SAMD4A: variants seen among roughly 807,000 people sequenced by gnomAD.
SAMD4A encodes the protein sterile alpha motif domain containing 4A, also known as protein Smaug homolog 1.
A neutral mutation model predicts 81.3 loss-of-function variants in SAMD4A; 33 were observed. The ratio of observed to expected loss-of-function variants is 0.41; its 90% CI spans 0.31 to 0.54. The LOEUF (loss-of-function observed/expected upper bound fraction) is 0.54, where lower values mean the gene tolerates loss of function less well. Ranked by LOEUF, SAMD4A falls within the 20% of genes least tolerant of loss-of-function variation. The pLI, the probability that SAMD4A is intolerant of heterozygous loss-of-function variation, is 0.37. For missense variants in SAMD4A, 854 were observed against 951.1 expected, an observed-to-expected ratio of 0.90 and a Z score of 1.34; for synonymous variants, 389 against 382.1, an observed-to-expected ratio of 1.02 and a Z score of -0.21.
At chr14:54,747,052 A>C (rs924735689) in intron 4 of SAMD4A, among the ~76,000 whole-genome samples, 2 of 152,228 alleles carry the variant, frequency 1.3e-5, no homozygotes, top group Non-Finnish European at 2.9e-5. Flanking sequence ...CTGAGCTGCC[A>C]TGTCCTGGAC....
upstream of SAMD4A, among the ~76,000 whole-genome samples, chr14:54,566,108 C>T (rs1053830886): frequency 5.9e-5 from 9 of 151,490 alleles, no homozygotes; most frequent in African/African-American, 2.2e-4. Context: ...TCGGGCGGCT[C>T]AGTCCTCCGC....
At chr14:54,582,801 A>C (rs561312227) in intron 2 of SAMD4A, among the ~76,000 whole-genome samples, 1 of 152,082 alleles carries the variant, frequency 6.6e-6, no homozygotes, top group Middle Eastern at 3.4e-3. Flanking sequence ...ACGCATGCAG[A>C]AGTCTTTTAG....
intron 4 of SAMD4A, among the ~76,000 whole-genome samples, chr14:54,744,296 T>C (rs2037914268): frequency 6.6e-6 from 1 of 152,226 alleles, no homozygotes; most frequent in Admixed American, 6.5e-5. Flanking sequence ...CATGGTCTGT[T>C]GATCTGACTC....
At chr14:54,733,968 TCCACAACTG>T (rs2140914385) in intron 3 of SAMD4A, among the ~76,000 whole-genome samples, 1 of 152,288 alleles carries the variant, frequency 6.6e-6, no homozygotes, top group East Asian at 1.9e-4. Context: ...CCTCGTCAAT[TCCACAACTG>T]CATGGCCTAT....
chr14:54,712,468 CT>C (rs1038274751), intron 3 of SAMD4A, among the ~76,000 whole-genome samples: 2 of 152,154 alleles, frequency 1.3e-5, no homozygotes, highest in Admixed American at 6.5e-5. Context: ...TTGGGGGAAA[CT>C]TTTTTTAGTA....
At chr14:54,660,982 C>T (rs2035631210) in intron 2 of SAMD4A, among the ~76,000 whole-genome samples, 1 of 152,198 alleles carries the variant, frequency 6.6e-6, no homozygotes, top group Non-Finnish European at 1.5e-5. Flanking sequence ...GGTTTTTCCA[C>T]CTATGGACTT....
At position 54,792,679 on chromosome 14, in the gene SAMD4A, A is replaced by G. The variant is rs903795592; in HGVS notation, c.*3735A>G. 8 of 151,092 alleles carry G rather than the reference A, an allele frequency of 5.3e-5. No individual in the cohort carries two copies. Among genetic ancestry groups the G allele is most frequent in the Admixed American group, 6.6e-5 (1 of 15,210 alleles). The allele number at this position is 151,092 out of a possible 1,614,324, so 9.4% of individuals were successfully genotyped here. A position where few individuals can be genotyped will look rare whatever the true frequency, so the allele number is the denominator to read the frequency against. ...GAACCTGCAGAAGGATAATTTGCAC[A>G]TGGAGCTGTGATAACACTAATGTTG... On this transcript the variant is annotated 3_prime_UTR_variant, in exon 13 of 13. Coordinates refer to ENST00000554335, the MANE Select transcript of SAMD4A (RefSeq NM_015589.6).
rs1461695246 is a variant in SAMD4A, at chr14:54,713,707, G to A, written c.715+11127G>A. Among the ~76,000 whole-genome samples, 5 of 152,168 alleles carry A rather than the reference G, an allele frequency of 3.3e-5. No individual in the cohort carries two copies. In the South Asian group the frequency reaches 1.0e-3, roughly 32 times the overall value. ...ATATGGAGCTAAAAGATTTATAATG[G>A]ATTACTTTATGCTTTAGTCTTCTGC... On this transcript the variant is annotated intron_variant, in intron 3 of 12. Coordinates refer to ENST00000554335, the MANE Select transcript of SAMD4A (RefSeq NM_015589.6).
At position 54,597,282 on chromosome 14, in the gene SAMD4A, C is replaced by CT. The variant is rs200995181; in HGVS notation, c.196+29179dup. ...TCTTTTTCTTTTTCTTTTCTTTTTT[C>CT]TTTTTTTTTGAGATGGAGTTTTGCT... On this transcript the variant is annotated intron_variant, in intron 2 of 12. Transcript: ENST00000554335. Among the ~76,000 whole-genome samples, 525 of 150,178 alleles carry CT rather than the reference C, an allele frequency of 3.5e-3. 2 individuals are homozygous for CT. The highest frequency in any genetic ancestry group is 0.011 in the African/African-American group (456 of 41,006).
intron 2 of SAMD4A, among the ~76,000 whole-genome samples, chr14:54,629,212 C>T (rs1414683926): frequency 1.3e-5 from 2 of 152,066 alleles, no homozygotes; most frequent in African/African-American, 2.4e-5. Context: ...AAGCAATGCC[C>T]AGGATTGACG....
At chr14:54,699,057 C>T (rs993722173) in intron 2 of SAMD4A, among the ~76,000 whole-genome samples, 1 of 151,904 alleles carries the variant, frequency 6.6e-6, no homozygotes, top group African/African-American at 2.4e-5. Context: ...TAATTTTTAT[C>T]TTTAAATGTA....
chr14:54,576,783 T>G (rs548915404), intron 2 of SAMD4A, among the ~76,000 whole-genome samples: 2 of 152,298 alleles, frequency 1.3e-5, no homozygotes, highest in Non-Finnish European at 2.9e-5. Context: ...CAGGTGAGAA[T>G]CTAGTTGTGT....
At chr14:54,777,591 A>T (rs1042406188) in intron 11 of SAMD4A, among the ~76,000 whole-genome samples, 6 of 151,278 alleles carry the variant, frequency 4.0e-5, no homozygotes, top group Non-Finnish European at 8.8e-5. Context: ...AGGAGCTTGG[A>T]CTCTGGCCAC....
At chr14:54,706,540 G>A (rs926752488) in intron 3 of SAMD4A, among the ~76,000 whole-genome samples, 2 of 151,750 alleles carry the variant, frequency 1.3e-5, no homozygotes, top group Admixed American at 6.6e-5. Context: ...GGGAGACAGA[G>A]GTTGTAGTGA....
At chr14:54,626,489 A>C (rs2034767869) in intron 2 of SAMD4A, among the ~76,000 whole-genome samples, 1 of 152,154 alleles carries the variant, frequency 6.6e-6, no homozygotes, top group Admixed American at 6.5e-5. Context: ...TCAGGAAGGG[A>C]GAGTGGCTTT....
intron 2 of SAMD4A, among the ~76,000 whole-genome samples, chr14:54,657,668 A>G (rs1408937282): frequency 6.6e-6 from 1 of 152,216 alleles, no homozygotes; most frequent in Non-Finnish European, 1.5e-5. Flanking sequence ...GATGTGGTCC[A>G]TGTAAAATGA....
At chr14:54,611,939 C>G (rs8009613) in intron 2 of SAMD4A, among the ~76,000 whole-genome samples, 112,094 of 151,848 alleles carry the variant, frequency 0.74, 41,480 homozygotes, top group East Asian at 0.85. Flanking sequence ...CTAATGATTA[C>G]CAGAGATAGA....
intron 2 of SAMD4A, among the ~76,000 whole-genome samples, chr14:54,695,985 TA>T (rs1170329182): frequency 1.6e-5 from 2 of 123,746 alleles, no homozygotes; most frequent in Admixed American, 1.6e-4. Flanking sequence ...AAAAAGAAAA[TA>T]GGGGGAGGGT....
At chr14:54,702,634 T>C in intron 3 of SAMD4A, 54 bp downstream of exon 3, 1 of 1,579,126 alleles carries the variant, frequency 6.3e-7, no homozygotes. Context: ...TTGCTGTGTA[T>C]GTGGCATGTC....
Sources: gnomAD v4.1 joint callset for allele counts (sites outside exome capture counted in the v4.1 genomes callset) on GRCh38, gnomAD v4.1.1 for gene constraint, MANE v1.5 for transcripts, NCBI Gene and HGNC (gene_info 2026-07-23, HGNC 2026-07-21) for gene names.